The following TGFBR2 variants were observed in gnomAD, a reference collection of about 807,000 sequenced individuals.
TGFBR2 encodes TGF-beta receptor type-2.
TGFBR2 carries 18 observed loss-of-function variants against 49.0 expected under a neutral mutation model. That is an observed-to-expected ratio of 0.37 (90% confidence interval 0.25 to 0.54). The LOEUF is 0.54. Ranked by LOEUF, TGFBR2 falls within the 20% of genes least tolerant of loss-of-function variation. The pLI is 0.85. For missense variants in TGFBR2, 525 were observed against 722.6 expected, an observed-to-expected ratio of 0.73 and a Z score of 3.13; for synonymous variants, 282 against 275.9, an observed-to-expected ratio of 1.02 and a Z score of -0.22.
chr3:30,664,778 A>G (rs574665478), intron 3 of TGFBR2, among the ~76,000 whole-genome samples: 18 of 152,378 alleles, frequency 1.2e-4, no homozygotes, highest in African/African-American at 4.1e-4. Flanking sequence ...CTAATCCACT[A>G]TTTTAAATAA....
rs1699350094 is a variant in TGFBR2 at position 30,672,075 on chromosome 3, A to G, written c.892A>G (p.Asn298Asp). ...KTEKDIFSDI[N>D]LKHENILQFL... Reference sequence around the variant, plus strand: ...AGAGAAGGACATCTTCTCAGACATCAATCTGAAGCATGAGAACATACTCCA... The same window carrying G: ...AGAGAAGGACATCTTCTCAGACATCGATCTGAAGCATGAGAACATACTCCA... The change falls in exon 4 of 7, where the codon AAT (asparagine) becomes GAT (aspartate). Residue 298 changes from asparagine (N) to aspartate (D), a missense_variant. Physicochemically the swap from Asn to Asp is conservative, Grantham distance 23 (BLOSUM62 1). Transcript: ENST00000295754. This position sits in a 1 kb window ranked among gnomAD's most constrained non-coding sequence, Gnocchi z 4.5. 1 of 1,614,118 alleles carries G rather than the reference A, an allele frequency of 6.2e-7. No homozygotes were observed. Among genetic ancestry groups the G allele is most frequent in the Non-Finnish European group, 8.5e-7 (1 of 1,180,040 alleles).
chr3:30,617,677 G>T (rs533589855), intron 1 of TGFBR2, among the ~76,000 whole-genome samples: 1 of 152,126 alleles, frequency 6.6e-6, no homozygotes, highest in Admixed American at 6.6e-5. Context: ...CCCAAAGCTT[G>T]AGCTCCAGCA....
chr3:30,623,417 G>C, intron 1 of TGFBR2: 1 of 1,066,160 alleles, frequency 9.4e-7, no homozygotes, highest in East Asian at 2.5e-5. Context: ...TTAAAGAGGC[G>C]ATGGCAGTGT....
intron 1 of TGFBR2, among the ~76,000 whole-genome samples, chr3:30,640,401 G>C (rs1575141755): frequency 6.6e-6 from 1 of 152,230 alleles, no homozygotes; most frequent in East Asian, 1.9e-4. Context: ...TCATCTCTTG[G>C]TACCCATGGG....
intron 3 of TGFBR2, chr3:30,661,698 G>GA (rs1281297134): frequency 4.7e-6 from 2 of 423,428 alleles, no homozygotes; most frequent in Non-Finnish European, 9.4e-6. Context: ...AAACAAAACA[G>GA]AAAGAACAAA....
At chr3:30,655,225 T>C (rs1698972855) in intron 3 of TGFBR2, among the ~76,000 whole-genome samples, 1 of 152,224 alleles carries the variant, frequency 6.6e-6, no homozygotes, top group African/African-American at 2.4e-5. Context: ...TGACTTGTGC[T>C]TGTCTGAATG....
chr3:30,669,502 C>A (rs1397178815), intron 3 of TGFBR2, among the ~76,000 whole-genome samples: 1 of 152,070 alleles, frequency 6.6e-6, no homozygotes, highest in Non-Finnish European at 1.5e-5. Context: ...TTTATAGTCC[C>A]GTTTGAAGAG....
intron 3 of TGFBR2, among the ~76,000 whole-genome samples, chr3:30,658,406 T>C (rs1041662852): frequency 2.0e-5 from 3 of 152,206 alleles, no homozygotes; most frequent in East Asian, 1.9e-4. Flanking sequence ...TTGTTGTCGT[T>C]GTTGTTGTTT....
At chr3:30,611,783 G>A (rs1348418216) in intron 1 of TGFBR2, among the ~76,000 whole-genome samples, 5 of 152,102 alleles carry the variant, frequency 3.3e-5, no homozygotes, top group African/African-American at 1.2e-4. Flanking sequence ...TATTATTTAG[G>A]TCTGATGCAA....
At chr3:30,642,274 A>G in intron 1 of TGFBR2, among the ~76,000 whole-genome samples, 1 of 151,786 alleles carries the variant, frequency 6.6e-6, no homozygotes, top group South Asian at 2.1e-4. Context: ...TCCCCTCAGC[A>G]GCATAAGTTG....
chr3:30,668,150 T>C lies in TGFBR2; in HGVS notation c.455-3488T>C, dbSNP rs1699274319. Among the ~76,000 whole-genome samples the C allele has an allele frequency of 4.6e-5, 7 of 152,166 alleles. No individual in the cohort carries two copies. In the South Asian group the frequency reaches 6.2e-4, roughly 14 times the overall value. ...AAACCTTGCTGTAAAATATAAAAAA[T>C]TTGAGAAGTATCATTCCACGTAAGT... On this transcript the variant is annotated intron_variant, in intron 3 of 6. Transcript: ENST00000295754.
In TGFBR2 at chr3:30,691,941, A is replaced by G. The variant is rs1400116250; in HGVS notation, c.*342A>G. The G allele has an allele frequency of 4.6e-6, 1 of 219,482 alleles. No individual in the cohort carries two copies. Among genetic ancestry groups the G allele is most frequent in the East Asian group, 6.8e-5 (1 of 14,610 alleles). 13.6% of individuals were successfully genotyped at this position (219,482 alleles called of 1,614,324 possible). ...TATATATATATATCTATATATGTCT[A>G]TAGCTCTATATATATAGCCATACCT... On this transcript the variant is annotated 3_prime_UTR_variant, in exon 7 of 7. Coordinates refer to ENST00000295754, the MANE Select transcript of TGFBR2 (RefSeq NM_003242.6).
chr3:30,674,041 T>C (rs1699388263), intron 4 of TGFBR2, 64 bp from the exon 5 acceptor site: 24 of 1,607,054 alleles, frequency 1.5e-5, no homozygotes, highest in Non-Finnish European at 1.8e-5. Flanking sequence ...CCATCAGCTA[T>C]ATTGTGAAAA....
rs1699659157 is a variant in TGFBR2 at position 30,688,387 on chromosome 3, T to G, written c.1400T>G (p.Val467Gly). 1 of 1,614,064 alleles carries G rather than the reference T, an allele frequency of 6.2e-7. No individual in the cohort carries two copies. ...TGTTTGCTGGCTTTCTTCACAGAAG[T>G]AAAAGATTATGAGCCTCCATTTGGT... ...MTSRCNAVGE[V>G]KDYEPPFGSK... Residue 467 changes from valine (V) to glycine (G), a missense_variant, in exon 6 of 7, where the codon GTA becomes GGA. Val to Gly is a moderately radical substitution (Grantham distance 109, BLOSUM62 -3). Transcript: ENST00000295754.
intron 1 of TGFBR2, 127 bp downstream of exon 1, chr3:30,607,104 C>A: frequency 1.4e-6 from 1 of 730,288 alleles, no homozygotes; most frequent in Non-Finnish European, 2.3e-6. Flanking sequence ...AAGTTTCCCC[C>A]GCGACACTCA....
At chr3:30,623,506 G>A (rs1698274505) in intron 1 of TGFBR2, among the ~76,000 whole-genome samples, 1 of 152,120 alleles carries the variant, frequency 6.6e-6, no homozygotes, top group South Asian at 2.1e-4. Flanking sequence ...TGAGGGTTTT[G>A]TCCACCCATC....
At position 30,685,747 on chromosome 3, in the gene TGFBR2, C is replaced by A. The variant is rs1405143256; in HGVS notation, c.1397-2637C>A. On this transcript the variant is annotated intron_variant, in intron 5 of 6. Transcript: ENST00000295754. ...GCAACTCCCATTGGCCAAGGACAAT[C>A]CCCCAGAAAAGGGTGAAGGTGTGAG... Among the ~76,000 whole-genome samples the A allele has an allele frequency of 3.3e-5, 5 of 152,208 alleles. No homozygotes were observed. The East Asian group carries it at 9.6e-4, about 29-fold the overall frequency.
chr3:30,661,667 A>G (rs755639698), intron 3 of TGFBR2: 30 of 476,036 alleles, frequency 6.3e-5, no homozygotes, highest in Non-Finnish European at 9.6e-5. Flanking sequence ...TGAAATCAGG[A>G]TGATCTGGCT....
chr3:30,650,520 T>C, intron 3 of TGFBR2, 60 bp downstream of exon 3: 1 of 1,553,956 alleles, frequency 6.4e-7, no homozygotes, highest in South Asian at 1.1e-5. Context: ...TTTGTATCCT[T>C]GGTCTGCAGT....
Sources: allele counts gnomAD v4.1 joint callset (sites outside exome capture counted in the v4.1 genomes callset), GRCh38; gene constraint gnomAD v4.1.1; non-coding constraint Gnocchi (gnomAD v3.1); transcripts MANE v1.5; gene names NCBI Gene and HGNC (gene_info 2026-07-23, HGNC 2026-07-21).